The following ZBTB12 variants were observed in gnomAD, a reference collection of about 807,000 sequenced individuals.
ZBTB12 encodes zinc finger and BTB domain containing 12.
A neutral mutation model predicts 6.4 loss-of-function variants in ZBTB12; 1 was observed. The ratio of observed to expected loss-of-function variants is 0.16; its 90% CI spans 0.06 to 0.74. The LOEUF (loss-of-function observed/expected upper bound fraction) is 0.74, where lower values mean the gene tolerates loss of function less well. Among genes scored for constraint, ZBTB12 ranks in the 30% least tolerant of loss-of-function variants. ZBTB12 has a pLI of 0.78. For missense variants in ZBTB12, 344 were observed against 613.9 expected (o/e 0.56, Z 4.65); for synonymous variants, 273 against 262.5 (o/e 1.04, Z -0.39).
At position 31,900,457 on chromosome 6, in the gene ZBTB12, T is replaced by A; in HGVS notation, c.849A>T (p.Gly283=). ...AGGTGGCCCCCACGCTGGCCCGGCC[T>A]CCGGGAATCAACAGCAGGCCCTCCC... ...AEGEGLLLIP[G]GRASVGATSG... Residue 283 remains glycine, a synonymous_variant, in exon 2 of 2, where the codon GGA becomes GGT. Transcript: ENST00000375527. This position sits in a 1 kb window ranked among gnomAD's most constrained non-coding sequence, Gnocchi z 9.7. The A allele has an allele frequency of 6.3e-7, 1 of 1,583,042 alleles. No individual in the cohort carries two copies. Among genetic ancestry groups the A allele is most frequent in the Non-Finnish European group, 8.6e-7 (1 of 1,166,850 alleles).
In ZBTB12 at chr6:31,901,270, C is replaced by G; in HGVS notation, c.36G>C (p.Leu12=). The G allele has an allele frequency of 6.2e-7, 1 of 1,612,344 alleles. No homozygotes were observed. The highest frequency in any genetic ancestry group is 8.5e-7 in the Non-Finnish European group (1 of 1,179,240). The change falls in exon 2 of 2, where the codon CTG becomes CTC. Residue 12 remains leucine, a synonymous_variant. Transcript: ENST00000375527. ...ASGVEVLRFQ[L]PGHEAATLRN... is the part of the protein sequence containing the mutation. The stretch of plus-strand genomic sequence containing the variant: ...GTAGCGTTGCGGCCTCGTGGCCGGG[C>G]AGCTGGAAGCGCAGGACTTCCACCC...
At position 31,899,730 on chromosome 6, in the gene ZBTB12, G is replaced by A; in HGVS notation, c.*196C>T. 3.3e-6 allele frequency: 2 copies of A among 605,088 alleles called. No homozygotes were observed. The highest frequency in any genetic ancestry group is 5.6e-6 in the Non-Finnish European group (2 of 360,132). The allele number at this position is 605,088 out of a possible 1,614,324, so 37.5% of individuals were successfully genotyped here. On this transcript the variant is annotated 3_prime_UTR_variant, in exon 2 of 2. Coordinates refer to ENST00000375527, the MANE Select transcript of ZBTB12 (RefSeq NM_181842.3). Reference sequence around the variant, plus strand: ...CTGGCCTCCAAGAACCCTTTTCCCAGCTCCAGATTCTTGCACTCTCAAGAG... The same window carrying A: ...CTGGCCTCCAAGAACCCTTTTCCCAACTCCAGATTCTTGCACTCTCAAGAG...
chr6:31,899,917 CCTGCGCGG>C lies in ZBTB12; in HGVS notation c.*1_*8del. ...GGGCCCCAGCCTCCTGGCCTCCACGCCTGCGCGGCTAGCGGATGAGGACGTTAATCTCG... is the reference window on the plus strand; with the variant it reads ...GGGCCCCAGCCTCCTGGCCTCCACGCCTAGCGGATGAGGACGTTAATCTCG... On this transcript the variant is annotated 3_prime_UTR_variant, in exon 2 of 2. Coordinates refer to ENST00000375527, the MANE Select transcript of ZBTB12 (RefSeq NM_181842.3). 1 of 1,566,806 alleles carries C rather than the reference CCTGCGCGG, an allele frequency of 6.4e-7. No individual in the cohort carries two copies. The highest frequency in any genetic ancestry group is 2.3e-5 in the East Asian group (1 of 44,202).
rs1767168539 is a variant in ZBTB12, at chr6:31,900,750, G to C, written c.556C>G (p.Leu186Val). Reference protein sequence around the residue: ...LLRPVKLEFPLDEDLELKAEE... With the variant: ...LLRPVKLEFPVDEDLELKAEE... ...GCTTTCAGCTCCAAGTCTTCATCCA[G>C]TGGGAACTCCAGCTTCACTGGCCGC... The change falls in exon 2 of 2, where the codon CTG becomes GTG. Residue 186 changes from leucine to valine, a missense_variant. Physicochemically the swap from Leu to Val is conservative, Grantham distance 32. Transcript: ENST00000375527. The surrounding 1 kb of genome is among the most constrained non-coding windows in gnomAD (Gnocchi z 9.7). 6.3e-7 allele frequency: 1 copy of C among 1,593,150 alleles called. No homozygotes were observed. Among genetic ancestry groups the C allele is most frequent in the East Asian group, 2.2e-5 (1 of 44,642 alleles).
Position 31,901,344 on chromosome 6 carries a change from G to C in ZBTB12, c.-20-19C>G. The C allele has an allele frequency of 6.3e-7, 1 of 1,574,842 alleles. No homozygotes were observed. The highest frequency in any genetic ancestry group is 8.6e-7 in the Non-Finnish European group (1 of 1,158,622). The stretch of plus-strand genomic sequence containing the variant: ...GGCAACCCTGGTTGGGAAGGAAACC[G>C]GTCAGAGACAAAGGTCTCTGGCTCT... On this transcript the variant is annotated intron_variant, in intron 1 of 1. Coordinates refer to ENST00000375527, the MANE Select transcript of ZBTB12 (RefSeq NM_181842.3).
chr6:31,901,066 G>T lies in ZBTB12; in HGVS notation c.240C>A (p.Ile80=). The change falls in exon 2 of 2, where the codon ATC becomes ATA. Residue 80 remains isoleucine (I), a synonymous_variant. Coordinates refer to ENST00000375527, the MANE Select transcript of ZBTB12 (RefSeq NM_181842.3). ...AGCAGGAGAGGAGCAAGTCGGCCAC[G>T]ATGCGTGCACTGTGCATCAGGGAGA... The part of the protein sequence containing the change: ...LQVSLMHSAR[I]VADLLLSCYT... 6.2e-7 allele frequency: 1 copy of T among 1,614,196 alleles called. No homozygotes were observed. Among genetic ancestry groups the T allele is most frequent in the Non-Finnish European group, 8.5e-7 (1 of 1,180,048 alleles).
Position 31,900,746 on chromosome 6 carries a change from T to C in ZBTB12, c.560A>G (p.Asp187Gly). The change falls in exon 2 of 2, where the codon GAT becomes GGT. Residue 187 changes from aspartate (D) to glycine (G), a missense_variant. By Grantham distance (94) the Asp-to-Gly change is moderately conservative (BLOSUM62 -1). Coordinates refer to ENST00000375527, the MANE Select transcript of ZBTB12 (RefSeq NM_181842.3). This position sits in a 1 kb window ranked among gnomAD's most constrained non-coding sequence, Gnocchi z 9.7. ...LRPVKLEFPL[D>G]EDLELKAEEE... ...CTCGGCTTTCAGCTCCAAGTCTTCA[T>C]CCAGTGGGAACTCCAGCTTCACTGG... 1 of 1,588,622 alleles carries C rather than the reference T, an allele frequency of 6.3e-7. No individual in the cohort carries two copies. The highest frequency in any genetic ancestry group is 8.6e-7 in the Non-Finnish European group (1 of 1,166,490).
chr6:31,900,390 C>T lies in ZBTB12; in HGVS notation c.916G>A (p.Gly306Arg). ...CCCGCCCCCAGGCTGCCCCCCGCCCCCCGGGCAGCCATGGCCACCGCTGCT... is the reference window on the plus strand; with the variant it reads ...CCCGCCCCCAGGCTGCCCCCCGCCCTCCGGGCAGCCATGGCCACCGCTGCT... ...EAAAVAMAAR[G>R]AGGSLGAGGS... The change falls in exon 2 of 2, where the codon GGG (glycine) becomes AGG (arginine). Residue 306 changes from glycine to arginine, a missense_variant. Around this residue, in one of 5 missense-constraint regions of ZBTB12, gnomAD observed 241 missense variants for 315.4 expected, o/e 0.76. Transcript: ENST00000375527. The surrounding 1 kb of genome is among the most constrained non-coding windows in gnomAD (Gnocchi z 9.7). 1.9e-6 allele frequency: 3 copies of T among 1,544,828 alleles called. No individual in the cohort carries two copies. Among genetic ancestry groups the T allele is most frequent in the Non-Finnish European group, 2.6e-6 (3 of 1,144,952 alleles).
In ZBTB12 at chr6:31,900,402, T is replaced by C; in HGVS notation, c.904A>G (p.Met302Val). ...CTGCCCCCCGCCCCCCGGGCAGCCA[T>C]GGCCACCGCTGCTGCTTCCACCAGG... ...SGLVEAAAVA[M>V]AARGAGGSLG... Residue 302 changes from methionine to valine, a missense_variant, in exon 2 of 2, where the codon ATG becomes GTG. Met to Val is a conservative substitution (Grantham distance 21). This residue lies in a region of ZBTB12 where 241 missense variants were observed against 315.4 expected (regional missense o/e 0.76). Coordinates refer to ENST00000375527, the MANE Select transcript of ZBTB12 (RefSeq NM_181842.3). This position sits in a 1 kb window ranked among gnomAD's most constrained non-coding sequence, Gnocchi z 9.7. 2 of 1,456,730 alleles carry C rather than the reference T, an allele frequency of 1.4e-6. No individual in the cohort carries two copies. Among genetic ancestry groups the C allele is most frequent in the African/African-American group, 2.9e-5 (2 of 69,310 alleles). 90.2% of individuals were successfully genotyped at this position (1,456,730 alleles called of 1,614,324 possible). A position where few individuals can be genotyped will look rare whatever the true frequency, so the allele number is the denominator to read the frequency against.
In ZBTB12 at chr6:31,900,864, T is replaced by C. The variant is rs1162109758; in HGVS notation, c.442A>G (p.Ser148Gly). Residue 148 changes from serine (S) to glycine (G), a missense_variant, in exon 2 of 2, where the codon AGC (serine) becomes GGC (glycine). By Grantham distance (56) the Ser-to-Gly change is moderately conservative. Transcript: ENST00000375527. The surrounding 1 kb of genome is among the most constrained non-coding windows in gnomAD (Gnocchi z 9.7). ...VSEASLVSSI[S>G]ATKSLLPPAR... ...GGAGGGAGGAGGGACTTGGTGGCGC[T>C]GATGCTGCTCACAAGGCTAGCCTCA... The C allele has an allele frequency of 3.7e-6, 6 of 1,613,326 alleles. No individual in the cohort carries two copies. Among genetic ancestry groups the C allele is most frequent in the Non-Finnish European group, 5.1e-6 (6 of 1,179,916 alleles).
At position 31,900,817 on chromosome 6, in the gene ZBTB12, G is replaced by A. The variant is rs756730316; in HGVS notation, c.489C>T (p.Ala163=). 6.2e-7 allele frequency: 1 copy of A among 1,606,092 alleles called. No individual in the cohort carries two copies. The highest frequency in any genetic ancestry group is 1.7e-5 in the Admixed American group (1 of 59,848). ...LLPPARTPKP[A]PKPPPPPPLP... ...GAGGAGGTGGGGGTGGGGGCTTCGG[G>A]GCTGGCTTTGGGGTCCTGGCTGGAG... Residue 163 remains alanine (A), a synonymous_variant, in exon 2 of 2, where the codon GCC becomes GCT. Transcript: ENST00000375527. The surrounding 1 kb of genome is among the most constrained non-coding windows in gnomAD (Gnocchi z 9.7).
chr6:31,900,296 T>C lies in ZBTB12; in HGVS notation c.1010A>G (p.Lys337Arg). The stretch of plus-strand genomic sequence containing the variant: ...CACGCCCTGGAACACTTCCGGGCAC[T>C]TGGTGCACTTGATGTTCTTTAAGGG... ...GNPLKNIKCTKCPEVFQGVEK... is the reference protein window; with the variant it reads ...GNPLKNIKCTRCPEVFQGVEK... The change falls in exon 2 of 2, where the codon AAG (lysine) becomes AGG (arginine). Residue 337 changes from lysine to arginine, a missense_variant. By Grantham distance (26) the Lys-to-Arg change is conservative. Coordinates refer to ENST00000375527, the MANE Select transcript of ZBTB12 (RefSeq NM_181842.3). The surrounding 1 kb of genome is among the most constrained non-coding windows in gnomAD (Gnocchi z 9.7). 1.2e-6 allele frequency: 2 copies of C among 1,612,724 alleles called. No individual in the cohort carries two copies. Among genetic ancestry groups the C allele is most frequent in the Non-Finnish European group, 1.7e-6 (2 of 1,179,976 alleles).
In ZBTB12 at chr6:31,900,046, G is replaced by A; in HGVS notation, c.1260C>T (p.Cys420=). The A allele has an allele frequency of 5.0e-6, 8 of 1,612,746 alleles. No homozygotes were observed. The highest frequency in any genetic ancestry group is 6.8e-6 in the Non-Finnish European group (8 of 1,179,704). ...CAGGCTTGTGGGCGAAGCGCACGTC[G>A]CAGTAGGAGCAGCGGTAGGGCCGCG... ...SGARPYRCSY[C]DVRFAHKPAI... The change falls in exon 2 of 2, where the codon TGC becomes TGT. Residue 420 remains cysteine (C), a synonymous_variant. Transcript: ENST00000375527. This position sits in a 1 kb window ranked among gnomAD's most constrained non-coding sequence, Gnocchi z 9.7.
Position 31,900,271 on chromosome 6 carries a change from C to T in ZBTB12, c.1035G>A (p.Val345=), listed in dbSNP as rs141308832. ...CTKCPEVFQG[V]EKLVFHMRAQ... ...CCCGCATGTGGAAGACCAGCTTCTCCACGCCCTGGAACACTTCCGGGCACT... is the reference window on the plus strand; with the variant it reads ...CCCGCATGTGGAAGACCAGCTTCTCTACGCCCTGGAACACTTCCGGGCACT... Residue 345 remains valine, a synonymous_variant, in exon 2 of 2, where the codon GTG becomes GTA. Transcript: ENST00000375527. The surrounding 1 kb of genome is among the most constrained non-coding windows in gnomAD (Gnocchi z 9.7). 6.2e-4 allele frequency: 1,004 copies of T among 1,613,528 alleles called. 4 individuals are homozygous for T. The African/African-American group carries it at 7.5e-3, about 12-fold the overall frequency.
Position 31,900,632 on chromosome 6 carries a change from G to A in ZBTB12, c.674C>T (p.Pro225Leu). 7 of 1,612,802 alleles carry A rather than the reference G, an allele frequency of 4.3e-6. No individual in the cohort carries two copies. Among genetic ancestry groups the A allele is most frequent in the African/African-American group, 1.3e-5 (1 of 75,068 alleles). ...SALEVAHRLKPPGGLGGGLGI... is the reference protein window; with the variant it reads ...SALEVAHRLKLPGGLGGGLGI... ...CAGACCCCCTCCCAGGCCTCCAGGG[G>A]GTTTGAGCCGGTGTGCCACCTCCAG... The change falls in exon 2 of 2, where the codon CCC becomes CTC. Residue 225 changes from proline to leucine, a missense_variant. Pro to Leu is a moderately conservative substitution (Grantham distance 98, BLOSUM62 -3). Coordinates refer to ENST00000375527, the MANE Select transcript of ZBTB12 (RefSeq NM_181842.3). The surrounding 1 kb of genome is among the most constrained non-coding windows in gnomAD (Gnocchi z 9.7).
chr6:31,901,668 C>A (rs895072482), intron 1 of ZBTB12, among the ~76,000 whole-genome samples, 169 bp downstream of exon 1: 19 of 151,484 alleles, frequency 1.3e-4, no homozygotes, highest in African/African-American at 3.9e-4. Flanking sequence ...TCTCACCCCG[C>A]CCCCTTTACC....
In ZBTB12 at chr6:31,901,310, G is replaced by C. The variant is rs1036855565; in HGVS notation, c.-5C>G. The C allele has an allele frequency of 5.0e-6, 8 of 1,602,924 alleles. No individual in the cohort carries two copies. The highest frequency in any genetic ancestry group is 6.8e-6 in the Non-Finnish European group (8 of 1,172,914). ...GACTTCCACCCCAGAGGCCATTGTGGCGGGGGTGGGCAACCCTGGTTGGGA... is the reference window on the plus strand; with the variant it reads ...GACTTCCACCCCAGAGGCCATTGTGCCGGGGGTGGGCAACCCTGGTTGGGA... On this transcript the variant is annotated 5_prime_UTR_variant, in exon 2 of 2. Transcript: ENST00000375527.
Position 31,901,932 on chromosome 6 carries a change from A to G in ZBTB12, c.-116T>C, listed in dbSNP as rs1169533979. ...CCCCACACACGGGCAGGGCCTGGGCAGCGCGCAGGCGCGGGGATGCACGGG... is the reference window on the plus strand; with the variant it reads ...CCCCACACACGGGCAGGGCCTGGGCGGCGCGCAGGCGCGGGGATGCACGGG... On this transcript the variant is annotated 5_prime_UTR_variant, in exon 1 of 2. Coordinates refer to ENST00000375527, the MANE Select transcript of ZBTB12 (RefSeq NM_181842.3). 1.4e-5 allele frequency: 2 copies of G among 138,236 alleles called. No individual in the cohort carries two copies. Among genetic ancestry groups the G allele is most frequent in the African/African-American group, 5.4e-5 (2 of 37,088 alleles). The allele number at this position is 138,236 out of a possible 1,614,324, so 8.6% of individuals were successfully genotyped here. A position where few individuals can be genotyped will look rare whatever the true frequency, so the allele number is the denominator to read the frequency against.
chr6:31,901,218 C>T lies in ZBTB12; in HGVS notation c.88G>A (p.Glu30Lys). ...LRNMNQLRAE[E>K]RFCDVTIVAD... ...ACAATGGTCACGTCGCAGAACCGCT[C>T]CTCTGCCCGGAGCTGGTTCATGTTC... The change falls in exon 2 of 2, where the codon GAG (glutamate) becomes AAG (lysine). Residue 30 changes from glutamate to lysine, a missense_variant. Transcript: ENST00000375527. 1 of 1,613,470 alleles carries T rather than the reference C, an allele frequency of 6.2e-7. No individual in the cohort carries two copies. The highest frequency in any genetic ancestry group is 8.5e-7 in the Non-Finnish European group (1 of 1,180,008).
Sources: gnomAD v4.1 joint callset for allele counts (sites outside exome capture counted in the v4.1 genomes callset) on GRCh38, gnomAD v4.1.1 for gene constraint, gnomAD v4.1.1 regional missense constraint, Gnocchi (gnomAD v3.1) non-coding constraint, MANE v1.5 for transcripts, NCBI Gene and HGNC (gene_info 2026-07-23, HGNC 2026-07-21) for gene names.